The following SEMA5A variants were observed in gnomAD, a reference collection of about 807,000 sequenced individuals.
SEMA5A encodes the protein semaphorin 5A, also known as semaphorin-5A.
SEMA5A carries 55 observed loss-of-function variants against 135.5 expected under a neutral mutation model. That is an observed-to-expected ratio of 0.41 (90% CI 0.33 to 0.51). The LOEUF is 0.51. Ranked by LOEUF, SEMA5A falls within the 20% of genes least tolerant of loss-of-function variation. The pLI, the probability that SEMA5A is intolerant of heterozygous loss-of-function variation, is 0.37. For missense variants in SEMA5A, 1,290 were observed against 1,419.9 expected (o/e 0.91, Z 1.47); for synonymous variants, 580 against 546.5 (o/e 1.06, Z -0.85).
chr5:9,268,281 A>T (rs1749784960), intron 5 of SEMA5A, among the ~76,000 whole-genome samples: 1 of 152,190 alleles, frequency 6.6e-6, no homozygotes, highest in African/African-American at 2.4e-5. Context: ...ATCGATAAAA[A>T]TACAGAGACA....
intron 1 of SEMA5A, among the ~76,000 whole-genome samples, chr5:9,502,461 CA>C (rs2126823617): frequency 6.6e-6 from 1 of 152,302 alleles, no homozygotes; most frequent in East Asian, 1.9e-4. Context: ...ACATTCATGA[CA>C]AGACTGACAG....
At chr5:9,534,534 T>C (rs897203933) in intron 1 of SEMA5A, among the ~76,000 whole-genome samples, 1 of 152,116 alleles carries the variant, frequency 6.6e-6, no homozygotes, top group African/African-American at 2.4e-5. Context: ...TGGAGCCCAC[T>C]CTGAGGGGCA....
intron 16 of SEMA5A, among the ~76,000 whole-genome samples, chr5:9,085,709 C>G (rs962437498): frequency 6.6e-6 from 1 of 152,176 alleles, no homozygotes; most frequent in Non-Finnish European, 1.5e-5. Flanking sequence ...GGGGTCAGAG[C>G]CCCCTCACAG....
chr5:9,487,018 GA>G (rs5865836), intron 1 of SEMA5A, among the ~76,000 whole-genome samples: 144,553 of 149,006 alleles, frequency 0.97, 70,330 homozygotes, highest in Non-Finnish European at 0.99. Context: ...GATTGTCTCT[GA>G]AAAAAAAAAA....
intron 1 of SEMA5A, among the ~76,000 whole-genome samples, chr5:9,475,223 C>T (rs999198834): frequency 6.6e-6 from 1 of 152,244 alleles, no homozygotes; most frequent in African/African-American, 2.4e-5. Context: ...TGAGCCACCA[C>T]ACCTGCTCTA....
intron 5 of SEMA5A, among the ~76,000 whole-genome samples, chr5:9,243,068 C>T (rs40659): frequency 0.2 from 31,105 of 152,122 alleles, 3,748 homozygotes; most frequent in African/African-American, 0.34. Flanking sequence ...GCGTTCTGTT[C>T]TCTAATTGGG....
At chr5:9,220,007 T>C (rs1746844799) in intron 8 of SEMA5A, among the ~76,000 whole-genome samples, 2 of 152,178 alleles carry the variant, frequency 1.3e-5, no homozygotes, top group Admixed American at 1.3e-4. Context: ...ATATACACCA[T>C]GGACTACTAC....
At chr5:9,470,579 C>T (rs1759439214) in intron 1 of SEMA5A, among the ~76,000 whole-genome samples, 1 of 152,310 alleles carries the variant, frequency 6.6e-6, no homozygotes, top group Admixed American at 6.5e-5. Flanking sequence ...CACTTCTTCA[C>T]CTCTTCAAAG....
chr5:9,539,862 ATTG>A (rs1480814747), intron 1 of SEMA5A, among the ~76,000 whole-genome samples: 1 of 152,192 alleles, frequency 6.6e-6, no homozygotes, highest in Non-Finnish European at 1.5e-5. Flanking sequence ...TACTGTGCAA[ATTG>A]TTGTGTATTA....
intron 1 of SEMA5A, among the ~76,000 whole-genome samples, chr5:9,459,486 G>A (rs947505340): frequency 2.0e-5 from 3 of 152,300 alleles, no homozygotes; most frequent in Non-Finnish European, 4.4e-5. Context: ...GCAAGAAAAT[G>A]AGGCCCTCAG....
At chr5:9,084,252 G>A (rs1184286974) in intron 16 of SEMA5A, among the ~76,000 whole-genome samples, 1 of 152,140 alleles carries the variant, frequency 6.6e-6, no homozygotes, top group East Asian at 1.9e-4. Context: ...AAAGACTAGA[G>A]TATGATGGTG....
chr5:9,203,979 G>A (rs1057473381), intron 8 of SEMA5A, among the ~76,000 whole-genome samples: 1 of 151,464 alleles, frequency 6.6e-6, no homozygotes, highest in Non-Finnish European at 1.5e-5. Flanking sequence ...TGGGTGGTGG[G>A]TGGGGGGGTG....
At chr5:9,292,293 T>A (rs911123964) in intron 5 of SEMA5A, among the ~76,000 whole-genome samples, 13 of 152,232 alleles carry the variant, frequency 8.5e-5, no homozygotes, top group Non-Finnish European at 1.6e-4. Context: ...GTTACCAGTA[T>A]ATACTTGATT....
intron 5 of SEMA5A, among the ~76,000 whole-genome samples, chr5:9,252,063 C>A (rs1187542526): frequency 1.3e-5 from 2 of 152,306 alleles, no homozygotes; most frequent in African/African-American, 4.8e-5. Context: ...AATGAGTTGG[C>A]AGGATCTCCC....
chr5:9,241,485 G>A (rs146801302), intron 5 of SEMA5A, among the ~76,000 whole-genome samples: 5 of 147,606 alleles, frequency 3.4e-5, no homozygotes, highest in East Asian at 2.1e-4. Context: ...CCATATGCAC[G>A]TTAATCTCAG....
At chr5:9,526,102 C>G (rs1737108113) in intron 1 of SEMA5A, among the ~76,000 whole-genome samples, 1 of 152,172 alleles carries the variant, frequency 6.6e-6, no homozygotes, top group Non-Finnish European at 1.5e-5. Flanking sequence ...CCACACATTA[C>G]AGCCAAAACA....
chr5:9,474,217 C>T (rs962915991), intron 1 of SEMA5A, among the ~76,000 whole-genome samples: 4 of 152,148 alleles, frequency 2.6e-5, no homozygotes, highest in Non-Finnish European at 4.4e-5. Context: ...AAGGATCTTA[C>T]GTGGAGTCCG....
chr5:9,321,035 T>C (rs1752607277), intron 4 of SEMA5A, among the ~76,000 whole-genome samples: 1 of 151,908 alleles, frequency 6.6e-6, no homozygotes, highest in South Asian at 2.1e-4. Context: ...TAGTAGGAGG[T>C]GATTGGATCA....
chr5:9,125,544 GC>G (rs978578965), intron 13 of SEMA5A, among the ~76,000 whole-genome samples: 1 of 152,012 alleles, frequency 6.6e-6, no homozygotes. Context: ...CCCTCCCTGT[GC>G]CCATGTGTTC....
Sources: allele counts gnomAD v4.1 joint callset (sites outside exome capture counted in the v4.1 genomes callset), GRCh38; gene constraint gnomAD v4.1.1; transcripts MANE v1.5; gene names NCBI Gene and HGNC (gene_info 2026-07-23, HGNC 2026-07-21).